NRAP: variants seen among roughly 807,000 people sequenced by gnomAD.
NRAP encodes nebulin related anchoring protein, also known as nebulin-related-anchoring protein.
NRAP carries 189 observed loss-of-function variants against 225.9 expected under a neutral mutation model. That is an observed-to-expected ratio of 0.84 (90% CI 0.74 to 0.94). The LOEUF (loss-of-function observed/expected upper bound fraction) is 0.94. NRAP is among the 40% of genes least tolerant of loss of function. NRAP has a pLI of 0.00. For synonymous variants in NRAP, 769 were observed against 790.7 expected, an observed-to-expected ratio of 0.97 and a Z score of 0.46; for missense variants, 2,176 against 2,168.7, an observed-to-expected ratio of 1.00 and a Z score of -0.07.
intron 4 of NRAP, 61 bp from the exon 5 acceptor site, chr10:113,654,186 A>G (rs2134180623): frequency 2.2e-6 from 2 of 920,754 alleles, no homozygotes; most frequent in East Asian, 2.4e-5. Flanking sequence ...CAACACTTAC[A>G]TACATTGTCA....
Position 113,597,125 on chromosome 10 carries a change from G to A in NRAP, c.4392C>T (p.Asp1464=), listed in dbSNP as rs1194602070. Residue 1464 remains aspartate (D), a synonymous_variant, in exon 37 of 42, where the codon GAC becomes GAT. Transcript: ENST00000359988. ...TATAGCTGTTCTTGGCATGAACCAG[G>A]TCTGGGGAGTCAACCACTGTGGTGA... ...IKFTTVVDSP[D]LVHAKNSYMH... is the part of the protein sequence containing the mutation. The A allele has an allele frequency of 2.5e-6, 4 of 1,613,734 alleles. No individual in the cohort carries two copies. The highest frequency in any genetic ancestry group is 3.4e-6 in the Non-Finnish European group (4 of 1,179,718).
At chr10:113,652,256 A>G (rs1468277150) in intron 6 of NRAP, among the ~76,000 whole-genome samples, 3 of 152,236 alleles carry the variant, frequency 2.0e-5, no homozygotes, top group Non-Finnish European at 4.4e-5. Flanking sequence ...GGATAGAGTC[A>G]GGATTCAAAT....
At chr10:113,591,933 T>G (rs371834080) in intron 39 of NRAP, among the ~76,000 whole-genome samples, 34 of 152,340 alleles carry the variant, frequency 2.2e-4, no homozygotes, top group African/African-American at 7.9e-4. Flanking sequence ...CATGAACCTC[T>G]TGGTACTCAT....
chr10:113,609,118 C>T (rs536228102), intron 31 of NRAP, among the ~76,000 whole-genome samples: 1 of 152,218 alleles, frequency 6.6e-6, no homozygotes, highest in South Asian at 2.1e-4. Flanking sequence ...TGAGATCGCA[C>T]CATTGCACTC....
At chr10:113,643,160 C>A (rs764502466) in intron 11 of NRAP, 122 bp from the exon 12 acceptor site, 10 of 559,754 alleles carry the variant, frequency 1.8e-5, no homozygotes, top group Non-Finnish European at 3.2e-5. Flanking sequence ...ACATATCAAG[C>A]ATAGAATATG....
intron 18 of NRAP, 77 bp downstream of exon 18, chr10:113,631,432 A>G: frequency 2.6e-6 from 2 of 784,042 alleles, no homozygotes; most frequent in East Asian, 2.6e-5. Flanking sequence ...TTACAGTCCC[A>G]GGTGAAGTAG....
At chr10:113,625,840 G>A (rs947829388) in intron 21 of NRAP, among the ~76,000 whole-genome samples, 2 of 152,174 alleles carry the variant, frequency 1.3e-5, no homozygotes, top group African/African-American at 4.8e-5. Flanking sequence ...TAATAAAATC[G>A]GGGGAGATGG....
chr10:113,646,018 T>A (rs931685455), intron 10 of NRAP, 77 bp from the exon 11 acceptor site: 2 of 714,610 alleles, frequency 2.8e-6, no homozygotes, highest in Middle Eastern at 2.5e-4. Flanking sequence ...AAAGTTATCC[T>A]GGGCTTAATG....
chr10:113,613,286 G>A (rs1051513217), intron 29 of NRAP, among the ~76,000 whole-genome samples: 2 of 152,142 alleles, frequency 1.3e-5, no homozygotes, highest in Non-Finnish European at 2.9e-5. Context: ...GGGAAACTGG[G>A]GCAGAATACA....
At position 113,594,343 on chromosome 10, in the gene NRAP, C is replaced by G. The variant is rs150560735; in HGVS notation, c.4536+1280G>C. Among the ~76,000 whole-genome samples, 94 of 152,278 alleles carry G rather than the reference C, an allele frequency of 6.2e-4. 1 individual carries two copies. The East Asian group carries it at 0.01, about 17-fold the overall frequency. ...TCATGAGTTATCCATATCCGCATAC[C>G]CTGGTGGCTAATTTCAGCTCCAGGA... On this transcript the variant is annotated intron_variant, in intron 38 of 41. Transcript: ENST00000359988.
intron 21 of NRAP, 66 bp downstream of exon 21, chr10:113,625,981 G>A: frequency 9.1e-7 from 1 of 1,100,914 alleles, no homozygotes; most frequent in Non-Finnish European, 1.3e-6. Context: ...ACCTGCTGTT[G>A]TCCCTGGAGG....
chr10:113,637,936 AAT>A (rs1322444981), intron 14 of NRAP, among the ~76,000 whole-genome samples: 2 of 152,098 alleles, frequency 1.3e-5, no homozygotes, highest in Non-Finnish European at 2.9e-5. Context: ...AAAAAAAAAA[AAT>A]CATTTTGTGC....
At chr10:113,609,328 T>A (rs75590587) in intron 31 of NRAP, among the ~76,000 whole-genome samples, 1,584 of 152,298 alleles carry the variant, frequency 0.01, 31 homozygotes, top group African/African-American at 0.036. Context: ...AGAGACCACT[T>A]GCTTTAGAGA....
intron 23 of NRAP, 68 bp from the exon 24 acceptor site, chr10:113,622,248 A>G: frequency 9.5e-7 from 1 of 1,055,666 alleles, no homozygotes; most frequent in Non-Finnish European, 1.4e-6. Flanking sequence ...TTCAGACTCC[A>G]TGCATGGGAG....
chr10:113,589,519 G>A (rs1845811738), intron 41 of NRAP, 147 bp downstream of exon 41: 1 of 925,900 alleles, frequency 1.1e-6, no homozygotes, highest in Non-Finnish European at 1.6e-6. Context: ...TCAGACCCAT[G>A]AAATTAGGCG....
rs753474263 is a variant in NRAP at position 113,647,004 on chromosome 10, C to A, written c.912G>T (p.Glu304Asp). The part of the protein sequence containing the change: ...YGQGYPEEYE[E>D]HRGKGSFPAM... ...CTGGGAAGCTGCCCTTTCCCCTGTG[C>A]TCCTCATACTCCTCCGGGTAACCCT... is the stretch of plus-strand genomic sequence containing the variant. The change falls in exon 10 of 42, where the codon GAG (glutamate) becomes GAT (aspartate). Residue 304 changes from glutamate (E) to aspartate (D), a missense_variant. By Grantham distance (45) the Glu-to-Asp change is conservative. Coordinates refer to ENST00000359988, the MANE Select transcript of NRAP (RefSeq NM_198060.4). 1 of 1,613,744 alleles carries A rather than the reference C, an allele frequency of 6.2e-7. No individual in the cohort carries two copies. The highest frequency in any genetic ancestry group is 8.5e-7 in the Non-Finnish European group (1 of 1,179,676).
At chr10:113,646,178 C>T (rs1849495445) in intron 10 of NRAP, among the ~76,000 whole-genome samples, 1 of 151,924 alleles carries the variant, frequency 6.6e-6, no homozygotes, top group African/African-American at 2.4e-5. Flanking sequence ...TCTAATTCTG[C>T]GTGGGAAAAA....
intron 35 of NRAP, 48 bp from the exon 36 acceptor site, chr10:113,598,121 A>G: frequency 9.1e-7 from 1 of 1,093,272 alleles, no homozygotes; most frequent in Non-Finnish European, 1.4e-6. Context: ...GCTTAAGACT[A>G]GTACAGCATT....
rs560241141 is a variant in NRAP at position 113,643,048 on chromosome 10, C to G, written c.1111-10G>C. 1.5e-6 allele frequency: 2 copies of G among 1,337,998 alleles called. No individual in the cohort carries two copies. The highest frequency in any genetic ancestry group is 1.4e-5 in the African/African-American group (1 of 69,644). 82.9% of individuals were successfully genotyped at this position (1,337,998 alleles called of 1,614,324 possible). A position where few individuals can be genotyped will look rare whatever the true frequency, so the allele number is the denominator to read the frequency against. On this transcript the variant is annotated splice_polypyrimidine_tract_variant and intron_variant, in intron 11 of 41. Coordinates refer to ENST00000359988, the MANE Select transcript of NRAP (RefSeq NM_198060.4). ...CCTTCTTATACTCCACCTTGGAAAT[C>G]AAAACACCAGACACACAATAGAACC...
Sources: gnomAD v4.1 joint callset for allele counts (sites outside exome capture counted in the v4.1 genomes callset) on GRCh38, gnomAD v4.1.1 for gene constraint, MANE v1.5 for transcripts, NCBI Gene and HGNC (gene_info 2026-07-23, HGNC 2026-07-21) for gene names.